The following ANKRD12 variants were observed in gnomAD, a reference collection of about 807,000 sequenced individuals.
ANKRD12 encodes the protein ankyrin repeat domain-containing protein 12.
Under a neutral mutation model 183.4 loss-of-function variants are expected in ANKRD12, and 85 were observed. That is an observed-to-expected ratio of 0.46 (90% confidence interval 0.39 to 0.56). The LOEUF (loss-of-function observed/expected upper bound fraction) is 0.56, where lower values mean the gene tolerates loss of function less well. Among genes scored for constraint, ANKRD12 ranks in the 20% least tolerant of loss-of-function variants. The pLI, the probability that ANKRD12 is intolerant of heterozygous loss-of-function variation, is 0.00. For missense variants in ANKRD12, 2,405 were observed against 2,357.1 expected (o/e 1.02, Z -0.42); for synonymous variants, 914 against 800.2 (o/e 1.14, Z -2.40).
intron 9 of ANKRD12, chr18:9,259,500 ACT>A (rs913279338): frequency 1.3e-5 from 2 of 152,198 alleles, no homozygotes; most frequent in African/African-American, 4.8e-5. Context: ...TAATATTCAT[ACT>A]GTCACCTTTT....
intron 1 of ANKRD12, among the ~76,000 whole-genome samples, chr18:9,167,440 G>T (rs964440380): frequency 1.4e-4 from 21 of 152,222 alleles, no homozygotes; most frequent in Non-Finnish European, 2.9e-4. Flanking sequence ...CACATCCCTT[G>T]TAAGTTGGAT....
rs118120425 is a variant in ANKRD12 at position 9,188,365 on chromosome 18, G to C, written c.87+5846G>C. 2.2e-4 allele frequency among the ~76,000 whole-genome samples: 34 copies of C among 152,314 alleles called. 1 individual carries two copies. In the East Asian group the frequency reaches 6.6e-3, roughly 29 times the overall value. On this transcript the variant is annotated intron_variant, in intron 2 of 12. Transcript: ENST00000262126. ...AAACAGGTATGTCCTTAGCTTTAGA[G>C]GGAGACACTACCTCTGTCTTTCGAG...
chr18:9,193,649 G>T (rs569130456), intron 2 of ANKRD12, among the ~76,000 whole-genome samples: 2 of 151,978 alleles, frequency 1.3e-5, no homozygotes, highest in East Asian at 3.9e-4. Context: ...ACATTAATTT[G>T]TTATGCCCCT....
chr18:9,208,022 C>A (rs2035582657), intron 4 of ANKRD12, among the ~76,000 whole-genome samples: 1 of 152,162 alleles, frequency 6.6e-6, no homozygotes, highest in Non-Finnish European at 1.5e-5. Flanking sequence ...TTGAAAAGGT[C>A]CTTGAAAATT....
At chr18:9,243,161 T>C (rs2037757926) in intron 8 of ANKRD12, among the ~76,000 whole-genome samples, 1 of 152,250 alleles carries the variant, frequency 6.6e-6, no homozygotes, top group Non-Finnish European at 1.5e-5. Flanking sequence ...AACAGTTACA[T>C]GTACATAATT....
At chr18:9,193,216 A>G (rs376089636) in intron 2 of ANKRD12, among the ~76,000 whole-genome samples, 27 of 146,784 alleles carry the variant, frequency 1.8e-4, no homozygotes, top group African/African-American at 6.1e-4. Context: ...ATGGCTCACT[A>G]TAGCCTCAAT....
rs531436695 is a variant in ANKRD12 at position 9,270,704 on chromosome 18, C to G, written c.5764-4820C>G. Among the ~76,000 whole-genome samples the G allele has an allele frequency of 7.9e-4, 120 of 152,270 alleles. 1 individual carries two copies. The highest frequency in any genetic ancestry group is 2.8e-3 in the African/African-American group (117 of 41,550). Reference sequence around the variant, plus strand: ...ATGGGTGCAGCACACCAGCATGGCACATGTATACATATGTAACAAACCTGC... The same window carrying G: ...ATGGGTGCAGCACACCAGCATGGCAGATGTATACATATGTAACAAACCTGC... On this transcript the variant is annotated intron_variant, in intron 10 of 12. Transcript: ENST00000262126.
chr18:9,216,307 T>A (rs1263998030), intron 6 of ANKRD12, among the ~76,000 whole-genome samples: 1 of 152,178 alleles, frequency 6.6e-6, no homozygotes, highest in Non-Finnish European at 1.5e-5. Context: ...ACCTTTTTGA[T>A]GATCCACTTC....
At chr18:9,153,816 C>T (rs1455914590) in intron 1 of ANKRD12, among the ~76,000 whole-genome samples, 1 of 151,926 alleles carries the variant, frequency 6.6e-6, no homozygotes, top group Non-Finnish European at 1.5e-5. Context: ...CTGATGTCTT[C>T]TGGGACTGTC....
rs2040097544 is a variant in ANKRD12, at chr18:9,281,287, G to C, written c.*161G>C. On this transcript the variant is annotated 3_prime_UTR_variant, in exon 13 of 13. Transcript: ENST00000262126. ...AACACTGTCATTTTATAAAAAATGAGAATTATTTTGGATCTTAGATCCAAA... is the reference window on the plus strand; with the variant it reads ...AACACTGTCATTTTATAAAAAATGACAATTATTTTGGATCTTAGATCCAAA... 1 of 529,412 alleles carries C rather than the reference G, an allele frequency of 1.9e-6. No individual in the cohort carries two copies. Among genetic ancestry groups the C allele is most frequent in the Non-Finnish European group, 3.2e-6 (1 of 312,570 alleles). The allele number at this position is 529,412 out of a possible 1,614,324, so 32.8% of individuals were successfully genotyped here.
chr18:9,221,735 T>C, intron 7 of ANKRD12, 117 bp from the exon 8 acceptor site: 2 of 989,802 alleles, frequency 2.0e-6, no homozygotes, highest in Non-Finnish European at 2.9e-6. Context: ...TGGTGAGGAA[T>C]GGATGCAGAG....
chr18:9,277,549 G>A (rs569550105), intron 11 of ANKRD12, among the ~76,000 whole-genome samples: 5 of 151,542 alleles, frequency 3.3e-5, no homozygotes, highest in African/African-American at 7.3e-5. Flanking sequence ...GGATGGTCTC[G>A]ATCTCCTGAC....
Position 9,255,371 on chromosome 18 carries a change from A to T in ANKRD12, c.2104A>T (p.Lys702Ter). Residue 702 changes from lysine (K) to a stop codon, truncating the protein, a stop_gained, in exon 9 of 13, where the codon AAA becomes TAA. Coordinates refer to ENST00000262126, the MANE Select transcript of ANKRD12 (RefSeq NM_015208.5). LOFTEE classifies it high-confidence loss of function. ...AGAATTTTGGAAAGAGAATTTTTTT[A>T]AAAGTGATGAAACTGAAGATCTCTT... is the stretch of plus-strand genomic sequence containing the variant. ...DREFWKENFF[K>*]SDETEDLFLN... The T allele has an allele frequency of 6.2e-7, 1 of 1,607,106 alleles. No homozygotes were observed. Among genetic ancestry groups the T allele is most frequent in the Non-Finnish European group, 8.5e-7 (1 of 1,177,976 alleles).
At chr18:9,150,962 A>AC (rs1184047240) in intron 1 of ANKRD12, among the ~76,000 whole-genome samples, 2 of 99,490 alleles carry the variant, frequency 2.0e-5, no homozygotes, top group Non-Finnish European at 4.8e-5. Flanking sequence ...CAATTTTGTG[A>AC]TTAAAAAAAA....
At chr18:9,174,713 G>T (rs4130177) in intron 1 of ANKRD12, among the ~76,000 whole-genome samples, 5,188 of 152,224 alleles carry the variant, frequency 0.034, 119 homozygotes, top group Non-Finnish European at 0.055. Flanking sequence ...GTGAGAACCT[G>T]GACATTTCAT....
intron 7 of ANKRD12, among the ~76,000 whole-genome samples, chr18:9,219,096 A>G (rs2036275771): frequency 6.6e-6 from 1 of 152,178 alleles, no homozygotes. Flanking sequence ...AATTATTTGC[A>G]TTTGAGGATG....
chr18:9,225,031 C>A (rs1454345095), intron 8 of ANKRD12, among the ~76,000 whole-genome samples: 1 of 151,784 alleles, frequency 6.6e-6, no homozygotes. Flanking sequence ...CTAGCCTGGG[C>A]ATTAGAGCAA....
chr18:9,195,592 T>A lies in ANKRD12; in HGVS notation c.129T>A (p.Ile43=). 8.1e-6 allele frequency: 13 copies of A among 1,611,158 alleles called. No homozygotes were observed. The highest frequency in any genetic ancestry group is 1.1e-5 in the Non-Finnish European group (13 of 1,178,660). ...CATCCTACAGCAAAACTCCAAAAAT[T>A]GAACGAAGTGATGTGAGCAAGGAGA... The part of the protein sequence containing the change: ...KIASYSKTPK[I]ERSDVSKEMK... The change falls in exon 3 of 13, where the codon ATT becomes ATA. Residue 43 remains isoleucine (I), a synonymous_variant. Coordinates refer to ENST00000262126, the MANE Select transcript of ANKRD12 (RefSeq NM_015208.5).
rs1177046622 is a variant in ANKRD12, at chr18:9,239,688, A to G, written c.944-14523A>G. The G allele has an allele frequency of 4.5e-5, 14 of 308,256 alleles. No individual in the cohort carries two copies. In the Admixed American group the frequency reaches 5.0e-4, roughly 11 times the overall value. The allele number at this position is 308,256 out of a possible 1,614,324, so 19.1% of individuals were successfully genotyped here. A position where few individuals can be genotyped will look rare whatever the true frequency, so the allele number is the denominator to read the frequency against. On this transcript the variant is annotated intron_variant, in intron 8 of 12. Coordinates refer to ENST00000262126, the MANE Select transcript of ANKRD12 (RefSeq NM_015208.5). ...ACTTCATCCAATCTAAATTCAGAAC[A>G]TACTAATATATAATCATGTAACTGC... is the stretch of plus-strand genomic sequence containing the variant.
Sources: gnomAD v4.1 joint callset for allele counts (sites outside exome capture counted in the v4.1 genomes callset) on GRCh38, gnomAD v4.1.1 for gene constraint, MANE v1.5 for transcripts, NCBI Gene and HGNC (gene_info 2026-07-23, HGNC 2026-07-21) for gene names.